The following POLR1E variants were observed in gnomAD, a reference collection of about 807,000 sequenced individuals.
POLR1E encodes DNA-directed RNA polymerase I subunit RPA49.
In POLR1E, 37 loss-of-function variants were observed where a neutral mutation model predicts 50.9. The ratio of observed to expected loss-of-function variants is 0.73; its 90% CI spans 0.56 to 0.96. POLR1E has a LOEUF of 0.96. Ranked by LOEUF, POLR1E falls within the 40% of genes least tolerant of loss-of-function variation. The pLI is 0.00. For missense variants in POLR1E, 426 were observed against 518.1 expected, an observed-to-expected ratio of 0.82 and a Z score of 1.73; for synonymous variants, 166 against 191.6, an observed-to-expected ratio of 0.87 and a Z score of 1.10.
At chr9:37,489,423 G>A (rs371214029) in intron 4 of POLR1E, 23 bp downstream of exon 4, 1 of 1,540,934 alleles carries the variant, frequency 6.5e-7, no homozygotes, top group Non-Finnish European at 8.8e-7. Context: ...CATGAAAGCT[G>A]ACAGAAATAA....
intron 6 of POLR1E, among the ~76,000 whole-genome samples, chr9:37,494,924 A>G (rs1181354092): frequency 2.6e-5 from 4 of 152,164 alleles, no homozygotes; most frequent in Non-Finnish European, 4.4e-5. Context: ...TCCCAACTCT[A>G]TTGTAAGTTA....
chr9:37,499,996 G>A (rs961996705), intron 9 of POLR1E, among the ~76,000 whole-genome samples: 28 of 147,864 alleles, frequency 1.9e-4, no homozygotes, highest in Non-Finnish European at 3.0e-4. Context: ...GATTATAGGC[G>A]CCCGCCACCA....
intron 5 of POLR1E, 23 bp downstream of exon 5, chr9:37,492,738 G>T (rs1289221348): frequency 6.2e-7 from 1 of 1,610,412 alleles, no homozygotes; most frequent in Admixed American, 1.7e-5. Context: ...GAATTAAGAT[G>T]TGGGACCTTA....
chr9:37,488,845 G>A (rs937943492), intron 3 of POLR1E, among the ~76,000 whole-genome samples: 1 of 151,422 alleles, frequency 6.6e-6, no homozygotes, highest in South Asian at 2.1e-4. Context: ...TCTCTATGCA[G>A]AGAATTGCTG....
chr9:37,486,954 G>GT, intron 2 of POLR1E, 148 bp downstream of exon 2: 1 of 921,890 alleles, frequency 1.1e-6, no homozygotes, highest in South Asian at 1.7e-5. Context: ...AGCCTGGGAT[G>GT]TGGGGACAGG....
chr9:37,492,300 A>G (rs1403592782), intron 4 of POLR1E: 3 of 1,296,758 alleles, frequency 2.3e-6, no homozygotes, highest in Admixed American at 4.6e-5. Context: ...CCAAGAAAGC[A>G]AAATTATTTT....
At chr9:37,496,078 G>T in intron 8 of POLR1E, 92 bp downstream of exon 8, 1 of 866,242 alleles carries the variant, frequency 1.2e-6, no homozygotes. Context: ...GCGTCAGTCA[G>T]TGAGGAAGTG....
chr9:37,502,640 G>C (rs772664851), intron 11 of POLR1E, among the ~76,000 whole-genome samples: 1 of 152,220 alleles, frequency 6.6e-6, no homozygotes, highest in African/African-American at 2.4e-5. Context: ...TGGAGGGACT[G>C]TTCTGAGGGC....
chr9:37,490,470 C>G, intron 4 of POLR1E: 3 of 888,608 alleles, frequency 3.4e-6, no homozygotes, highest in Non-Finnish European at 5.7e-6. Context: ...AGGCTGCTTC[C>G]CATTGGTTCT....
chr9:37,492,615 C>A (rs1820704359), intron 4 of POLR1E, 42 bp from the exon 5 acceptor site: 1 of 1,575,182 alleles, frequency 6.3e-7, no homozygotes, highest in Non-Finnish European at 8.7e-7. Context: ...GTAGGCCTCC[C>A]AATTGACTTT....
chr9:37,486,611 C>G, intron 1 of POLR1E, 92 bp from the exon 2 acceptor site: 1 of 1,613,986 alleles, frequency 6.2e-7, no homozygotes, highest in South Asian at 1.1e-5. Flanking sequence ...TTCTGACACT[C>G]CCTCCCAGTG....
chr9:37,498,043 A>C (rs1038250879), intron 8 of POLR1E, 48 bp from the exon 9 acceptor site: 5 of 1,592,414 alleles, frequency 3.1e-6, no homozygotes, highest in Non-Finnish European at 1.7e-6. Flanking sequence ...TTCCTGACAG[A>C]GCCCATCTTA....
chr9:37,486,102 G>A lies in POLR1E; in HGVS notation c.55G>A (p.Gly19Arg), dbSNP rs757520333. 6.2e-7 allele frequency: 1 copy of A among 1,600,770 alleles called. No homozygotes were observed. The highest frequency in any genetic ancestry group is 1.3e-5 in the African/African-American group (1 of 74,992). The change falls in exon 1 of 12, where the codon GGG becomes AGG. Residue 19 changes from glycine (G) to arginine (R), a missense_variant. Transcript: ENST00000377798. ...GTGGCAGTATTGTGGGGCGCCCGAC[G>A]GGAGCCAGAGAGCTGTACTGGGTAA... is the stretch of plus-strand genomic sequence containing the variant. ...ARWQYCGAPDGSQRAVLVQFS... is the reference protein window; with the variant it reads ...ARWQYCGAPDRSQRAVLVQFS...
At chr9:37,489,766 G>A (rs912549765) in intron 4 of POLR1E, among the ~76,000 whole-genome samples, 1 of 152,140 alleles carries the variant, frequency 6.6e-6, no homozygotes, top group Middle Eastern at 3.2e-3. Context: ...TAGAGACAGC[G>A]TTTTACCATG....
Position 37,503,115 on chromosome 9 carries a change from A to G in POLR1E, c.1173A>G (p.Glu391=). The part of the protein sequence containing the change: ...KRRVSVAAGS[E]EDHKLGTLSL... ...GGGTGTCTGTGGCCGCCGGCAGTGA[A>G]GAAGATCACAAGCTGGGCACCCTGT... The change falls in exon 12 of 12, where the codon GAA becomes GAG. Residue 391 remains glutamate, a synonymous_variant. Coordinates refer to ENST00000377798, the MANE Select transcript of POLR1E (RefSeq NM_022490.4). 1 of 1,614,064 alleles carries G rather than the reference A, an allele frequency of 6.2e-7. No individual in the cohort carries two copies. Among genetic ancestry groups the G allele is most frequent in the Non-Finnish European group, 8.5e-7 (1 of 1,180,008 alleles).
At chr9:37,491,466 AT>A (rs35743467) in intron 4 of POLR1E, among the ~76,000 whole-genome samples, 6,214 of 145,468 alleles carry the variant, frequency 0.043, 364 homozygotes, top group African/African-American at 0.14. Context: ...TTTATACATA[AT>A]TTTTTTTTTT....
chr9:37,494,210 T>C (rs1820745479), intron 6 of POLR1E, among the ~76,000 whole-genome samples: 1 of 152,170 alleles, frequency 6.6e-6, no homozygotes, highest in Non-Finnish European at 1.5e-5. Context: ...AGAGTAGCTT[T>C]TCTTTTTACC....
chr9:37,498,590 T>A (rs1820825202), intron 9 of POLR1E, among the ~76,000 whole-genome samples: 1 of 152,244 alleles, frequency 6.6e-6, no homozygotes, highest in Admixed American at 6.5e-5. Context: ...TGTGCGTGTG[T>A]GTGTGTATAT....
chr9:37,491,437 AT>A (rs1317868204), intron 4 of POLR1E, among the ~76,000 whole-genome samples: 1 of 151,034 alleles, frequency 6.6e-6, no homozygotes, highest in Admixed American at 6.6e-5. Context: ...TATATATGGG[AT>A]TTTTTTTAAT....
Sources: allele counts gnomAD v4.1 joint callset (sites outside exome capture counted in the v4.1 genomes callset), GRCh38; gene constraint gnomAD v4.1.1; transcripts MANE v1.5; gene names NCBI Gene and HGNC (gene_info 2026-07-23, HGNC 2026-07-21).